The following CDH13 variants were observed in gnomAD, a reference collection of about 807,000 sequenced individuals.
The protein encoded by CDH13 is cadherin 13, also known as cadherin-13.
Under a neutral mutation model 63.8 loss-of-function variants are expected in CDH13, and 24 were observed. The observed-to-expected ratio is 0.38, with a 90% confidence interval of 0.27 to 0.53. CDH13 has a LOEUF of 0.53. Ranked by LOEUF, CDH13 falls within the 20% of genes least tolerant of loss-of-function variation. The probability of loss-of-function intolerance (pLI) is 0.85; values close to 1 mark genes in which losing one functional copy is unlikely to be tolerated. For missense variants in CDH13, 1,049 were observed against 903.1 expected (o/e 1.16, Z -2.07); for synonymous variants, 503 against 355.3 (o/e 1.42, Z -4.67).
chr16:83,360,241 C>G (rs1246267942), intron 6 of CDH13, among the ~76,000 whole-genome samples: 2 of 152,158 alleles, frequency 1.3e-5, no homozygotes, highest in Non-Finnish European at 2.9e-5. Flanking sequence ...TTGAGTTATG[C>G]AAATTCTGAA....
At chr16:83,190,538 A>G (rs2038665995) in intron 4 of CDH13, among the ~76,000 whole-genome samples, 2 of 152,202 alleles carry the variant, frequency 1.3e-5, no homozygotes, top group Non-Finnish European at 2.9e-5. Context: ...TTCTAGGTAC[A>G]TATGATGGCA....
chr16:83,283,778 C>T (rs2089241845), intron 5 of CDH13, among the ~76,000 whole-genome samples: 1 of 152,068 alleles, frequency 6.6e-6, no homozygotes, highest in South Asian at 2.1e-4. Flanking sequence ...TTTTTGGAAC[C>T]CCTGCAGCAT....
At chr16:83,087,953 T>C (rs1052659146) in intron 3 of CDH13, among the ~76,000 whole-genome samples, 1 of 152,198 alleles carries the variant, frequency 6.6e-6, no homozygotes, top group Admixed American at 6.5e-5. Context: ...CACTTTGGAA[T>C]AGGCCTCATG....
intron 6 of CDH13, among the ~76,000 whole-genome samples, chr16:83,419,157 T>C (rs991684866): frequency 1.3e-5 from 2 of 152,168 alleles, no homozygotes; most frequent in Non-Finnish European, 2.9e-5. Flanking sequence ...TGCTTGCTTT[T>C]CATGAAATCT....
chr16:83,322,674 G>A (rs2090256948), intron 5 of CDH13, among the ~76,000 whole-genome samples: 1 of 152,150 alleles, frequency 6.6e-6, no homozygotes, highest in Admixed American at 6.5e-5. Context: ...CTCTGGGACT[G>A]TCAAGAAACC....
intron 4 of CDH13, among the ~76,000 whole-genome samples, chr16:83,176,828 T>C (rs952991855): frequency 6.6e-6 from 1 of 152,172 alleles, no homozygotes; most frequent in Non-Finnish European, 1.5e-5. Context: ...TGCCGGATTG[T>C]AGCTCTGTTG....
intron 11 of CDH13, among the ~76,000 whole-genome samples, chr16:83,748,686 G>T (rs778431337): frequency 5.3e-5 from 8 of 152,184 alleles, no homozygotes; most frequent in Non-Finnish European, 7.4e-5. Context: ...CCAAGGAAAG[G>T]CATCAGGTAC....
In CDH13 at chr16:83,371,804, G is replaced by A. The variant is rs548352797; in HGVS notation, c.781+26798G>A. Reference sequence around the variant, plus strand: ...TACCCCTGAATGGACAGTGCTTCACGAGTCTTTTCTGGATGACCCTAAGAA... The same window carrying A: ...TACCCCTGAATGGACAGTGCTTCACAAGTCTTTTCTGGATGACCCTAAGAA... On this transcript the variant is annotated intron_variant, in intron 6 of 13. Transcript: ENST00000567109. 4.2e-4 allele frequency among the ~76,000 whole-genome samples: 64 copies of A among 152,310 alleles called. 1 individual carries two copies. In the Middle Eastern group the frequency reaches 0.01, roughly 24 times the overall value.
At chr16:83,019,948 C>G (rs928349061) in intron 2 of CDH13, among the ~76,000 whole-genome samples, 1 of 151,324 alleles carries the variant, frequency 6.6e-6, no homozygotes, top group African/African-American at 2.4e-5. Context: ...ATTTTATGTG[C>G]TTGACTTTTA....
chr16:83,606,412 A>G (rs1453170021), intron 8 of CDH13, among the ~76,000 whole-genome samples: 1 of 152,126 alleles, frequency 6.6e-6, no homozygotes, highest in African/African-American at 2.4e-5. Flanking sequence ...ACACTGTTGA[A>G]CAAAATAGAG....
intron 3 of CDH13, among the ~76,000 whole-genome samples, chr16:83,072,640 G>T (rs2032522662): frequency 6.6e-6 from 1 of 152,054 alleles, no homozygotes; most frequent in Non-Finnish European, 1.5e-5. Context: ...AGGTGTTCTG[G>T]GTCCCATTTG....
At chr16:82,784,025 C>T (rs1174256956) in intron 1 of CDH13, among the ~76,000 whole-genome samples, 1 of 152,074 alleles carries the variant, frequency 6.6e-6, no homozygotes, top group African/African-American at 2.4e-5. Context: ...TGTGGCTGGG[C>T]AATTATCCTT....
chr16:83,745,627 C>T (rs981969554), intron 10 of CDH13, among the ~76,000 whole-genome samples: 1 of 152,110 alleles, frequency 6.6e-6, no homozygotes, highest in East Asian at 1.9e-4. Flanking sequence ...TTTCTTATTC[C>T]CTGGCTCCCC....
chr16:83,353,673 T>C (rs2091001596), intron 6 of CDH13, among the ~76,000 whole-genome samples: 1 of 152,234 alleles, frequency 6.6e-6, no homozygotes, highest in African/African-American at 2.4e-5. Flanking sequence ...GGACACCCCA[T>C]TGTTTCCTGA....
chr16:82,830,593 C>T (rs942859587), intron 1 of CDH13, among the ~76,000 whole-genome samples: 1 of 152,192 alleles, frequency 6.6e-6, no homozygotes, highest in Middle Eastern at 3.2e-3. Flanking sequence ...CTTCTTTCCT[C>T]ACACTCATCT....
intron 2 of CDH13, among the ~76,000 whole-genome samples, chr16:82,936,727 G>T (rs187670921): frequency 2.6e-5 from 4 of 152,196 alleles, no homozygotes; most frequent in African/African-American, 9.7e-5. Flanking sequence ...CAAGGCATAT[G>T]TTGGACGAGC....
At chr16:82,705,374 T>G (rs1478292736) in intron 1 of CDH13, 9 of 303,660 alleles carry the variant, frequency 3.0e-5, no homozygotes, top group Admixed American at 4.7e-5. Flanking sequence ...AATACGCTAA[T>G]ACAGTGTCTC....
intron 11 of CDH13, among the ~76,000 whole-genome samples, chr16:83,749,510 G>A (rs254347): frequency 0.24 from 36,499 of 152,128 alleles, 4,965 homozygotes; most frequent in Non-Finnish European, 0.32. Flanking sequence ...CTATAAGTGC[G>A]TATGTAGGAA....
intron 1 of CDH13, among the ~76,000 whole-genome samples, chr16:82,796,915 C>G (rs2036609362): frequency 6.6e-6 from 1 of 152,204 alleles, no homozygotes; most frequent in Admixed American, 6.5e-5. Flanking sequence ...ACTATTGACT[C>G]TGCTCAGATT....
Sources: gnomAD v4.1 joint callset for allele counts (sites outside exome capture counted in the v4.1 genomes callset) on GRCh38, gnomAD v4.1.1 for gene constraint, MANE v1.5 for transcripts, NCBI Gene and HGNC (gene_info 2026-07-23, HGNC 2026-07-21) for gene names.